Variants in SLC38A9 observed in about 807,000 individuals in gnomAD.
SLC38A9 encodes solute carrier family 38 member 9.
A neutral mutation model predicts 62.3 loss-of-function variants in SLC38A9; 48 were observed. The ratio of observed to expected loss-of-function variants is 0.77; its 90% CI spans 0.61 to 0.98. The LOEUF (loss-of-function observed/expected upper bound fraction) is 0.98. SLC38A9 is among the 50% of genes least tolerant of loss of function. The probability of loss-of-function intolerance (pLI) is 0.00; values close to 1 mark genes in which losing one functional copy is unlikely to be tolerated. For missense variants in SLC38A9, 541 were observed against 679.8 expected, an observed-to-expected ratio of 0.80 and a Z score of 2.27; for synonymous variants, 204 against 227.7, an observed-to-expected ratio of 0.90 and a Z score of 0.94.
chr5:55,689,968 A>T (rs1439457585), intron 3 of SLC38A9, among the ~76,000 whole-genome samples: 2 of 152,178 alleles, frequency 1.3e-5, no homozygotes, highest in South Asian at 2.1e-4. Context: ...TTGATCTAGG[A>T]AAGAAAGAAG....
chr5:55,659,395 A>ATTT (rs1554057137), intron 8 of SLC38A9, among the ~76,000 whole-genome samples: 1 of 133,950 alleles, frequency 7.5e-6, no homozygotes, highest in African/African-American at 2.7e-5. Flanking sequence ...TTTTTATTTT[A>ATTT]TTTTGATTTG....
chr5:55,689,242 A>G (rs913375134), intron 3 of SLC38A9, among the ~76,000 whole-genome samples: 1 of 152,236 alleles, frequency 6.6e-6, no homozygotes, highest in Non-Finnish European at 1.5e-5. Flanking sequence ...TACAGAAAAC[A>G]TATCTCCTAA....
chr5:55,651,589 G>A (rs1747491280), intron 10 of SLC38A9, among the ~76,000 whole-genome samples: 2 of 152,004 alleles, frequency 1.3e-5, no homozygotes, highest in Non-Finnish European at 2.9e-5. Context: ...TCGTTTAGTG[G>A]TTTCTGAAAA....
chr5:55,704,295 T>C (rs1471475103), intron 2 of SLC38A9: 2 of 152,228 alleles, frequency 1.3e-5, no homozygotes, highest in Admixed American at 6.5e-5. Context: ...AATTGTATTA[T>C]AGCTTTATTG....
At chr5:55,682,807 T>C (rs546444270) in intron 3 of SLC38A9, among the ~76,000 whole-genome samples, 1 of 152,264 alleles carries the variant, frequency 6.6e-6, no homozygotes, top group Admixed American at 6.5e-5. Context: ...TAAAATTAAG[T>C]ATTTAGCACC....
At chr5:55,664,593 T>G in intron 8 of SLC38A9, 100 bp downstream of exon 8, 1 of 637,822 alleles carries the variant, frequency 1.6e-6, no homozygotes, top group Non-Finnish European at 2.4e-6. Context: ...ACTTCTTATT[T>G]TATTTATCCC....
At chr5:55,671,324 T>A (rs2150351222) in intron 4 of SLC38A9, among the ~76,000 whole-genome samples, 2 of 151,972 alleles carry the variant, frequency 1.3e-5, no homozygotes, top group South Asian at 4.1e-4. Flanking sequence ...GTTTTTATAA[T>A]TTTATAAATT....
At chr5:55,691,708 C>A (rs559146971) in intron 3 of SLC38A9, among the ~76,000 whole-genome samples, 1 of 152,310 alleles carries the variant, frequency 6.6e-6, no homozygotes, top group Admixed American at 6.5e-5. Context: ...GAATGTAGCA[C>A]ATATATCAAG....
chr5:55,669,205 T>C (rs772890959), intron 7 of SLC38A9, 23 bp downstream of exon 7: 3 of 1,565,574 alleles, frequency 1.9e-6, no homozygotes, highest in East Asian at 2.2e-5. Flanking sequence ...CCATAATCTA[T>C]TGTCACTGTG....
chr5:55,685,008 G>A (rs567929058), intron 3 of SLC38A9, among the ~76,000 whole-genome samples: 18 of 152,314 alleles, frequency 1.2e-4, no homozygotes, highest in Middle Eastern at 3.4e-3. Context: ...AGATATTCTT[G>A]AGGAAATGCT....
intron 3 of SLC38A9, among the ~76,000 whole-genome samples, chr5:55,688,538 C>A (rs1490883112): frequency 6.6e-6 from 1 of 151,952 alleles, no homozygotes; most frequent in Non-Finnish European, 1.5e-5. Context: ...CGCCACCATG[C>A]CCGGCTCATT....
intron 2 of SLC38A9, among the ~76,000 whole-genome samples, chr5:55,706,184 C>T (rs1436018343): frequency 6.6e-6 from 1 of 152,156 alleles, no homozygotes; most frequent in African/African-American, 2.4e-5. Flanking sequence ...TACCCAGCAA[C>T]AACCCTTCCA....
intron 8 of SLC38A9, among the ~76,000 whole-genome samples, chr5:55,659,149 C>T (rs1266302078): frequency 6.6e-6 from 1 of 151,666 alleles, no homozygotes; most frequent in Non-Finnish European, 1.5e-5. Flanking sequence ...CAACTGATAT[C>T]CCACAATAAA....
chr5:55,660,798 TG>T (rs766527314), intron 8 of SLC38A9, among the ~76,000 whole-genome samples: 6 of 151,728 alleles, frequency 4.0e-5, no homozygotes, highest in African/African-American at 7.3e-5. Context: ...TAAAATTTCA[TG>T]GGGGGGGTGA....
At chr5:55,626,714 A>T (rs1742501948) in intron 15 of SLC38A9, 55 bp from the exon 16 acceptor site, 1 of 1,443,778 alleles carries the variant, frequency 6.9e-7, no homozygotes, top group Non-Finnish European at 9.3e-7. Context: ...GCTTTTTACA[A>T]TTAAGGTAAA....
At chr5:55,677,134 C>T (rs1752213248) in intron 3 of SLC38A9, among the ~76,000 whole-genome samples, 1 of 152,134 alleles carries the variant, frequency 6.6e-6, no homozygotes, top group African/African-American at 2.4e-5. Flanking sequence ...CCATGTAATG[C>T]AAGTATTAAT....
At chr5:55,675,888 C>A (rs936550363) in intron 3 of SLC38A9, among the ~76,000 whole-genome samples, 1 of 152,056 alleles carries the variant, frequency 6.6e-6, no homozygotes, top group African/African-American at 2.4e-5. Flanking sequence ...TCCTACTGAC[C>A]AGTTATGCTT....
intron 9 of SLC38A9, among the ~76,000 whole-genome samples, chr5:55,653,235 G>A (rs1356186110): frequency 6.6e-6 from 1 of 152,116 alleles, no homozygotes; most frequent in African/African-American, 2.4e-5. Flanking sequence ...TCAAAGTGCT[G>A]GCATTACAGG....
chr5:55,700,694 C>T (rs1457357266), intron 2 of SLC38A9, among the ~76,000 whole-genome samples: 2 of 152,212 alleles, frequency 1.3e-5, no homozygotes, highest in Non-Finnish European at 2.9e-5. Flanking sequence ...TATCACTATA[C>T]AGAAGCTGTT....
Sources: gnomAD v4.1 joint callset for allele counts (sites outside exome capture counted in the v4.1 genomes callset) on GRCh38, gnomAD v4.1.1 for gene constraint, MANE v1.5 for transcripts, NCBI Gene and HGNC (gene_info 2026-07-23, HGNC 2026-07-21) for gene names.